The following TMEM63B variants were observed in gnomAD, a reference collection of about 807,000 sequenced individuals.
The protein encoded by TMEM63B is mechanosensitive cation channel TMEM63B.
Under a neutral mutation model 102.6 loss-of-function variants are expected in TMEM63B, and 23 were observed. That is an observed-to-expected ratio of 0.22 (90% CI 0.16 to 0.32). The LOEUF (loss-of-function observed/expected upper bound fraction) is 0.32, where lower values mean the gene tolerates loss of function less well. Among genes scored for constraint, TMEM63B ranks in the 10% least tolerant of loss-of-function variants. The pLI is 1.00. For missense variants in TMEM63B, 628 were observed against 1,095.9 expected (o/e 0.57, Z 6.03); for synonymous variants, 444 against 437.0 (o/e 1.02, Z -0.20).
chr6:44,153,263 C>T (rs1208164774), intron 20 of TMEM63B, among the ~76,000 whole-genome samples: 1 of 152,210 alleles, frequency 6.6e-6, no homozygotes, highest in Non-Finnish European at 1.5e-5. Flanking sequence ...CTTAACCAAC[C>T]CTCCCTGGTT....
chr6:44,138,620 C>T, intron 6 of TMEM63B, 103 bp downstream of exon 6: 3 of 1,368,312 alleles, frequency 2.2e-6, no homozygotes, highest in Non-Finnish European at 3.1e-6. Context: ...CTTAGCACTC[C>T]TCGCCAGCAC....
rs1007099274 is a variant in TMEM63B at position 44,152,473 on chromosome 6, G to A, written c.1837-120G>A. The A allele has an allele frequency of 2.7e-6, 2 of 748,130 alleles. No homozygotes were observed. The highest frequency in any genetic ancestry group is 2.1e-5 in the Admixed American group (1 of 47,470). 46.3% of individuals were successfully genotyped at this position (748,130 alleles called of 1,614,324 possible). A position where few individuals can be genotyped will look rare whatever the true frequency, so the allele number is the denominator to read the frequency against. ...TACCCTACCCTAGACATTAGGTCCTGTTCCCCATGGCTTCTTTTCCGGCCC... is the reference window on the plus strand; with the variant it reads ...TACCCTACCCTAGACATTAGGTCCTATTCCCCATGGCTTCTTTTCCGGCCC... On this transcript the variant is annotated intron_variant, in intron 19 of 23. Coordinates refer to ENST00000323267, the MANE Select transcript of TMEM63B (RefSeq NM_018426.3). The surrounding 1 kb of genome is among the most constrained non-coding windows in gnomAD (Gnocchi z 6.4).
At position 44,139,628 on chromosome 6, in the gene TMEM63B, G is replaced by T. The variant is rs41282654; in HGVS notation, c.550+19G>T. ...CTGCTGGGTCAGTGAGGGCCAGGAC[G>T]GCTAGGGTGGAGAGAGGATGGGGCT... On this transcript the variant is annotated intron_variant, in intron 7 of 23. Transcript: ENST00000323267. 1.2e-6 allele frequency: 2 copies of T among 1,613,976 alleles called. No individual in the cohort carries two copies. The highest frequency in any genetic ancestry group is 1.7e-6 in the Non-Finnish European group (2 of 1,179,956).
At chr6:44,136,014 C>A (rs944528121) in intron 4 of TMEM63B, among the ~76,000 whole-genome samples, 1 of 152,124 alleles carries the variant, frequency 6.6e-6, no homozygotes, top group East Asian at 1.9e-4. Context: ...CTCCGTTGCC[C>A]GCCCCCGGCC....
At position 44,152,055 on chromosome 6, in the gene TMEM63B, G is replaced by T; in HGVS notation, c.1836+47G>T. The T allele has an allele frequency of 1.9e-6, 3 of 1,538,970 alleles. No individual in the cohort carries two copies. Among genetic ancestry groups the T allele is most frequent in the Non-Finnish European group, 2.6e-6 (3 of 1,146,462 alleles). On this transcript the variant is annotated intron_variant, in intron 19 of 23. Transcript: ENST00000323267. The surrounding 1 kb of genome is among the most constrained non-coding windows in gnomAD (Gnocchi z 6.4). ...GCGGCCCGCACAGCGCCCCCTGGTG[G>T]CCCAACAAGAAACAGCAGCCATCGC...
intron 9 of TMEM63B, chr6:44,140,604 C>A: frequency 1.6e-6 from 1 of 616,014 alleles, no homozygotes; most frequent in Non-Finnish European, 3.0e-6. Flanking sequence ...CCGTGCTGTG[C>A]CCAGCACTTG....
chr6:44,138,620 C>G (rs1353052868), intron 6 of TMEM63B, 103 bp downstream of exon 6: 1 of 1,368,312 alleles, frequency 7.3e-7, no homozygotes, highest in Non-Finnish European at 1.0e-6. Context: ...CTTAGCACTC[C>G]TCGCCAGCAC....
In TMEM63B at chr6:44,141,015, C is replaced by T; in HGVS notation, c.712-13C>T. On this transcript the variant is annotated splice_polypyrimidine_tract_variant and intron_variant, in intron 9 of 23. Coordinates refer to ENST00000323267, the MANE Select transcript of TMEM63B (RefSeq NM_018426.3). ...CAAGCCTCAGAAGGCAAACCCACTC[C>T]CCTGTCACCCAGGTGAAGCGGACCC... 5 of 1,613,944 alleles carry T rather than the reference C, an allele frequency of 3.1e-6. No homozygotes were observed. Among genetic ancestry groups the T allele is most frequent in the South Asian group, 1.1e-5 (1 of 91,074 alleles).
At chr6:44,143,174 T>C (rs1470947162) in intron 10 of TMEM63B, among the ~76,000 whole-genome samples, 1 of 152,212 alleles carries the variant, frequency 6.6e-6, no homozygotes, top group Admixed American at 6.5e-5. Flanking sequence ...CAGGGTCAGA[T>C]TCCAGAGCCT....
intron 22 of TMEM63B, 47 bp downstream of exon 22, chr6:44,154,235 G>T (rs1359358104): frequency 1.2e-6 from 2 of 1,605,176 alleles, no homozygotes; most frequent in African/African-American, 1.3e-5. Flanking sequence ...AGGAGCTCAA[G>T]GGGAGGAATG....
chr6:44,136,256 TTCTGTAGCCCTGGAGC>T (rs1453216326), intron 4 of TMEM63B, 77 bp from the exon 5 acceptor site: 30 of 1,015,278 alleles, frequency 3.0e-5, no homozygotes, highest in Non-Finnish European at 4.5e-5. Flanking sequence ...CTTCTGTGCC[TTCTGTAGCCCTGGAGC>T]TCTGGAGCAC....
chr6:44,149,722 C>T (rs2128261446), intron 15 of TMEM63B, 137 bp from the exon 16 acceptor site: 1 of 665,936 alleles, frequency 1.5e-6, no homozygotes, highest in East Asian at 2.7e-5. Flanking sequence ...CCCCAGCCCT[C>T]CGGATGTTCT....
intron 6 of TMEM63B, chr6:44,138,779 G>A: frequency 2.5e-6 from 1 of 403,998 alleles, no homozygotes. Flanking sequence ...TTGAGGGAGG[G>A]GGTGGAGCCC....
In TMEM63B at chr6:44,138,503, C is replaced by T; in HGVS notation, c.393C>T (p.Ala131=). ...RDNGFCSWLT[A]IFRIKDDEIR... The stretch of plus-strand genomic sequence containing the variant: ...AGGGTTTCTGTTCCTGGCTGACAGC[C>T]ATCTTCAGGATAAAGTAAGTGGACC... The change falls in exon 6 of 24, where the codon GCC becomes GCT. Residue 131 remains alanine (A), a synonymous_variant. Coordinates refer to ENST00000323267, the MANE Select transcript of TMEM63B (RefSeq NM_018426.3). 6.2e-7 allele frequency: 1 copy of T among 1,614,070 alleles called. No individual in the cohort carries two copies. The highest frequency in any genetic ancestry group is 8.5e-7 in the Non-Finnish European group (1 of 1,180,004).
chr6:44,129,365 CAAA>C (rs11331641), intron 1 of TMEM63B, among the ~76,000 whole-genome samples: 26 of 103,134 alleles, frequency 2.5e-4, no homozygotes, highest in Admixed American at 4.8e-4. Flanking sequence ...AAGACTGTCT[CAAA>C]AAAAAAAAAA....
At position 44,148,430 on chromosome 6, in the gene TMEM63B, C is replaced by T; in HGVS notation, c.1121+45C>T. The T allele has an allele frequency of 6.2e-7, 1 of 1,613,586 alleles. No homozygotes were observed. The highest frequency in any genetic ancestry group is 8.5e-7 in the Non-Finnish European group (1 of 1,179,636). On this transcript the variant is annotated intron_variant, in intron 13 of 23. Coordinates refer to ENST00000323267, the MANE Select transcript of TMEM63B (RefSeq NM_018426.3). This position sits in a 1 kb window ranked among gnomAD's most constrained non-coding sequence, Gnocchi z 5.1. ...CTCGGCCCTGAGCAGCCCTCCAGGG[C>T]TCCCTGACCCCTGTGCTCATGGCCT...
chr6:44,148,845 A>G lies in TMEM63B; in HGVS notation c.1313A>G (p.Asn438Ser), dbSNP rs745473514. The G allele has an allele frequency of 1.9e-6, 3 of 1,613,908 alleles. No individual in the cohort carries two copies. The highest frequency in any genetic ancestry group is 2.5e-6 in the Non-Finnish European group (3 of 1,179,960). ...FIWWLRCLVI[N>S]VVLFILLFFL... ...TGGTGGCTGCGCTGCCTGGTCATCA[A>G]TGTCGTCCTCTTCATCCTCCTCTTC... Residue 438 changes from asparagine (N) to serine (S), a missense_variant, in exon 15 of 24, where the codon AAT becomes AGT. Asn to Ser is a conservative substitution (Grantham distance 46). Coordinates refer to ENST00000323267, the MANE Select transcript of TMEM63B (RefSeq NM_018426.3). The surrounding 1 kb of genome is among the most constrained non-coding windows in gnomAD (Gnocchi z 5.1).
At chr6:44,144,894 A>G (rs1286308035) in intron 10 of TMEM63B, among the ~76,000 whole-genome samples, 1 of 152,046 alleles carries the variant, frequency 6.6e-6, no homozygotes, top group East Asian at 1.9e-4. Flanking sequence ...CACTGTGTTC[A>G]ACCTAAAAAT....
intron 10 of TMEM63B, among the ~76,000 whole-genome samples, chr6:44,143,924 G>T (rs1187785024): frequency 2.0e-5 from 3 of 152,162 alleles, no homozygotes; most frequent in African/African-American, 7.2e-5. Flanking sequence ...CACATTTATT[G>T]TATACCTACT....
Sources: allele counts gnomAD v4.1 joint callset (sites outside exome capture counted in the v4.1 genomes callset), GRCh38; gene constraint gnomAD v4.1.1; non-coding constraint Gnocchi (gnomAD v3.1); transcripts MANE v1.5; gene names NCBI Gene and HGNC (gene_info 2026-07-23, HGNC 2026-07-21).